The following DOCK1 variants were observed in gnomAD, a reference collection of about 807,000 sequenced individuals.
DOCK1 encodes dedicator of cytokinesis protein 1.
Under a neutral mutation model 262.7 loss-of-function variants are expected in DOCK1, and 138 were observed. The observed-to-expected ratio is 0.53, with a 90% confidence interval of 0.46 to 0.61. The LOEUF (loss-of-function observed/expected upper bound fraction) is 0.61. DOCK1 is among the 20% of genes least tolerant of loss of function. The probability of loss-of-function intolerance (pLI) is 0.00; values close to 1 mark genes in which losing one functional copy is unlikely to be tolerated. For missense variants in DOCK1, 1,908 were observed against 2,370.7 expected, an observed-to-expected ratio of 0.80 and a Z score of 4.05; for synonymous variants, 866 against 867.4, an observed-to-expected ratio of 1.00 and a Z score of 0.03.
At chr10:127,345,798 A>G (rs7910546) in intron 31 of DOCK1, among the ~76,000 whole-genome samples, 98,224 of 151,794 alleles carry the variant, frequency 0.65, 32,428 homozygotes, top group Middle Eastern at 0.77. Context: ...GCAGGGGCGC[A>G]GGCTCCTGCT....
chr10:127,177,620 C>T (rs1347030189), intron 27 of DOCK1, among the ~76,000 whole-genome samples: 1 of 152,314 alleles, frequency 6.6e-6, no homozygotes, highest in African/African-American at 2.4e-5. Context: ...GAGAGCTGCA[C>T]AGAAACAGAC....
intron 23 of DOCK1, among the ~76,000 whole-genome samples, chr10:127,080,969 A>G (rs2046867368): frequency 6.6e-6 from 1 of 152,156 alleles, no homozygotes; most frequent in Admixed American, 6.5e-5. Context: ...CTTCCAAGGT[A>G]GTTAAATGAG....
At chr10:126,999,538 G>T in intron 9 of DOCK1, 103 bp downstream of exon 9, 1 of 934,054 alleles carries the variant, frequency 1.1e-6, no homozygotes, top group African/African-American at 1.6e-5. Context: ...TGGGTCCCTG[G>T]GATGCCTGTA....
intron 27 of DOCK1, among the ~76,000 whole-genome samples, chr10:127,226,034 T>C (rs1356444037): frequency 6.8e-6 from 1 of 146,706 alleles, no homozygotes; most frequent in Non-Finnish European, 1.5e-5. Context: ...GCCAAGATCA[T>C]GCCACTGCAC....
rs1328688267 is a variant in DOCK1 at position 127,102,566 on chromosome 10, AC to A, written c.2446-3664del. 7.2e-5 allele frequency among the ~76,000 whole-genome samples: 11 copies of A among 152,380 alleles called. No homozygotes were observed. In the South Asian group the frequency reaches 2.1e-3, roughly 29 times the overall value. On this transcript the variant is annotated intron_variant, in intron 23 of 51. Coordinates refer to ENST00000623213, the MANE Select transcript of DOCK1 (RefSeq NM_001290223.2). ...AGGTATAGGCTGGACACAGTGGCTC[AC>A]ACCTGTAATCCCAGCACTTTGGGAG...
chr10:127,441,857 C>A (rs1377966162), intron 49 of DOCK1, among the ~76,000 whole-genome samples: 1 of 152,164 alleles, frequency 6.6e-6, no homozygotes, highest in Non-Finnish European at 1.5e-5. Context: ...CTGAGCCTCT[C>A]CAGCCAGAGC....
chr10:126,988,582 A>C lies in DOCK1; in HGVS notation c.324+965A>C, dbSNP rs974288672. On this transcript the variant is annotated intron_variant, in intron 5 of 51. Transcript: ENST00000623213. ...GTCAGGGTTTCATCTTCAACTTAGCAATTTTTAAACAAAAATATGGCAACA... is the reference window on the plus strand; with the variant it reads ...GTCAGGGTTTCATCTTCAACTTAGCCATTTTTAAACAAAAATATGGCAACA... 4 of 152,242 alleles carry C rather than the reference A, an allele frequency of 2.6e-5. No individual in the cohort carries two copies. In the East Asian group the frequency reaches 5.8e-4, roughly 22 times the overall value. The allele number at this position is 152,242 out of a possible 1,614,324, so 9.4% of individuals were successfully genotyped here. A position where few individuals can be genotyped will look rare whatever the true frequency, so the allele number is the denominator to read the frequency against.
At chr10:127,438,763 C>T (rs2069867635) in intron 48 of DOCK1, among the ~76,000 whole-genome samples, 1 of 152,172 alleles carries the variant, frequency 6.6e-6, no homozygotes, top group African/African-American at 2.4e-5. Context: ...TGAACAATTC[C>T]TTAATATCAT....
chr10:127,099,156 C>T (rs2048084206), intron 23 of DOCK1, among the ~76,000 whole-genome samples: 1 of 152,102 alleles, frequency 6.6e-6, no homozygotes, highest in Admixed American at 6.5e-5. Context: ...ATTTCTGTGG[C>T]TGAATGCAGA....
chr10:127,069,637 A>G (rs9418832), intron 23 of DOCK1, among the ~76,000 whole-genome samples: 140,295 of 152,184 alleles, frequency 0.92, 64,666 homozygotes, highest in Admixed American at 0.95. Context: ...CGGTGGTTTG[A>G]ATGAGGACCG....
intron 29 of DOCK1, among the ~76,000 whole-genome samples, chr10:127,325,433 A>G (rs1367795431): frequency 1.3e-5 from 2 of 152,192 alleles, no homozygotes; most frequent in Non-Finnish European, 2.9e-5. Context: ...GTTACCACCT[A>G]GGAGGCTGAT....
At chr10:127,265,385 A>G (rs80051062) in intron 29 of DOCK1, among the ~76,000 whole-genome samples, 1 of 145,204 alleles carries the variant, frequency 6.9e-6, no homozygotes, top group Non-Finnish European at 1.5e-5. Flanking sequence ...GTTACACATT[A>G]AAAAAAAAAA....
chr10:127,415,919 C>A (rs531921840), intron 44 of DOCK1, among the ~76,000 whole-genome samples: 84 of 152,302 alleles, frequency 5.5e-4, no homozygotes, highest in African/African-American at 1.9e-3. Context: ...GAAATCTGTA[C>A]GTTTTTGTTC....
In DOCK1 at chr10:126,998,075, T is replaced by C; in HGVS notation, c.610-17T>C. ...GAGTGTTGCTGGGGTTGACTTTCTG[T>C]TTCCTTCCATACACAGTCTCAAAAG... is the stretch of plus-strand genomic sequence containing the variant. On this transcript the variant is annotated splice_polypyrimidine_tract_variant and intron_variant, in intron 7 of 51. Coordinates refer to ENST00000623213, the MANE Select transcript of DOCK1 (RefSeq NM_001290223.2). 1 of 1,613,606 alleles carries C rather than the reference T, an allele frequency of 6.2e-7. No individual in the cohort carries two copies.
At chr10:127,019,753 CA>C (rs976203858) in intron 13 of DOCK1, among the ~76,000 whole-genome samples, 9 of 152,076 alleles carry the variant, frequency 5.9e-5, no homozygotes, top group Non-Finnish European at 1.3e-4. Flanking sequence ...TGTCTCAAAA[CA>C]AAACTAACTT....
rs1478989404 is a variant in DOCK1 at position 127,444,154 on chromosome 10, A to G, written c.5288A>G (p.Lys1763Arg). 1 of 1,582,378 alleles carries G rather than the reference A, an allele frequency of 6.3e-7. No homozygotes were observed. ...TISPLRPQRPKSQVMNVIGSE... is the reference protein window; with the variant it reads ...TISPLRPQRPRSQVMNVIGSE... ...AGTCCCCTGCGGCCCCAGAGACCGA[A>G]GAGCCAGGTGATGAACGTCATTGGA... The change falls in exon 50 of 52, where the codon AAG becomes AGG. Residue 1763 changes from lysine (K) to arginine (R), a missense_variant. By Grantham distance (26) the Lys-to-Arg change is conservative. This residue lies in a region of DOCK1 where 383 missense variants were observed against 420.1 expected (regional missense o/e 0.91). Coordinates refer to ENST00000623213, the MANE Select transcript of DOCK1 (RefSeq NM_001290223.2).
intron 27 of DOCK1, among the ~76,000 whole-genome samples, chr10:127,181,865 C>T (rs989738446): frequency 1.3e-5 from 2 of 152,208 alleles, no homozygotes; most frequent in African/African-American, 2.4e-5. Flanking sequence ...AACTGGAAGT[C>T]CTCTTTTCCT....
At chr10:127,071,155 G>A (rs1229425962) in intron 23 of DOCK1, among the ~76,000 whole-genome samples, 3 of 152,148 alleles carry the variant, frequency 2.0e-5, no homozygotes, top group Non-Finnish European at 4.4e-5. Flanking sequence ...GGGTCCAAAT[G>A]CTCCCCATTT....
intron 38 of DOCK1, among the ~76,000 whole-genome samples, chr10:127,392,856 T>C (rs2066570287): frequency 6.6e-6 from 1 of 152,194 alleles, no homozygotes. Context: ...AACTTGACTT[T>C]AGCACGACAT....
Sources: gnomAD v4.1 joint callset for allele counts (sites outside exome capture counted in the v4.1 genomes callset) on GRCh38, gnomAD v4.1.1 for gene constraint, gnomAD v4.1.1 regional missense constraint, MANE v1.5 for transcripts, NCBI Gene and HGNC (gene_info 2026-07-23, HGNC 2026-07-21) for gene names.